The following STX17 variants were observed in gnomAD, a reference collection of about 807,000 sequenced individuals.
STX17 encodes syntaxin-17.
In STX17, 29 loss-of-function variants were observed where a neutral mutation model predicts 35.9. The ratio of observed to expected loss-of-function variants is 0.81; its 90% CI spans 0.60 to 1.10. The LOEUF (loss-of-function observed/expected upper bound fraction) is 1.10, where lower values mean the gene tolerates loss of function less well. Among genes scored for constraint, STX17 ranks in the 50% least tolerant of loss-of-function variants. The probability of loss-of-function intolerance (pLI) is 0.00; values close to 1 mark genes in which losing one functional copy is unlikely to be tolerated. For missense variants in STX17, 312 were observed against 352.3 expected, an observed-to-expected ratio of 0.89 and a Z score of 0.92; for synonymous variants, 92 against 118.3, an observed-to-expected ratio of 0.78 and a Z score of 1.44.
At chr9:99,942,001 G>T (rs1200391249) in intron 3 of STX17, among the ~76,000 whole-genome samples, 1 of 152,132 alleles carries the variant, frequency 6.6e-6, no homozygotes, top group Non-Finnish European at 1.5e-5. Flanking sequence ...AGGAATTGTT[G>T]GTTCCTTCAG....
intron 4 of STX17, 115 bp downstream of exon 4, chr9:99,951,400 A>G: frequency 1.1e-6 from 1 of 870,340 alleles, no homozygotes. Flanking sequence ...TCACTATCCC[A>G]ATATGCTGAA....
intron 6 of STX17, among the ~76,000 whole-genome samples, chr9:99,960,907 A>G (rs1829815521): frequency 6.6e-6 from 1 of 152,248 alleles, no homozygotes; most frequent in Non-Finnish European, 1.5e-5. Context: ...GGTAGAAAGA[A>G]GCATTAAGGA....
chr9:99,967,519 T>G, intron 6 of STX17, 134 bp from the exon 7 acceptor site: 1 of 507,032 alleles, frequency 2.0e-6, no homozygotes, highest in Non-Finnish European at 3.5e-6. Context: ...GCTTATCAGA[T>G]GCTATTAATG....
At chr9:99,934,467 C>G (rs1192291372) in intron 3 of STX17, among the ~76,000 whole-genome samples, 6 of 152,038 alleles carry the variant, frequency 3.9e-5, no homozygotes, top group Non-Finnish European at 7.4e-5. Flanking sequence ...TATATTCTTT[C>G]TGGTGACTTT....
At chr9:99,927,092 C>G (rs1829000261) in intron 2 of STX17, among the ~76,000 whole-genome samples, 5 of 152,208 alleles carry the variant, frequency 3.3e-5, no homozygotes, top group Admixed American at 3.3e-4. Context: ...AGTTCTCTCT[C>G]AGTGTATTCC....
In STX17 at chr9:99,928,841, C is replaced by T; in HGVS notation, c.187C>T (p.Gln63Ter). Reference protein sequence around the residue: ...EEHINAGRTVQQLRSNIREIE... With the variant: ...EEHINAGRTV ...GCATATCAATGCAGGACGTACAGTT[C>T]AGGTAAGGCTATTATATTTTTTCTG... The change falls in exon 3 of 8, where the codon CAG (glutamine) becomes TAG (stop). Residue 63 changes from glutamine to a stop codon, truncating the protein, a stop_gained and splice_region_variant. Coordinates refer to ENST00000259400, the MANE Select transcript of STX17 (RefSeq NM_017919.3). LOFTEE classifies it high-confidence loss of function. The T allele has an allele frequency of 6.2e-7, 1 of 1,612,610 alleles. No individual in the cohort carries two copies. The highest frequency in any genetic ancestry group is 1.7e-5 in the Admixed American group (1 of 59,956).
chr9:99,947,652 C>T (rs1056235137), intron 3 of STX17, among the ~76,000 whole-genome samples: 7 of 152,174 alleles, frequency 4.6e-5, no homozygotes, highest in Non-Finnish European at 7.3e-5. Flanking sequence ...CTGTGAGCTA[C>T]TCGAGACTGG....
Position 99,916,336 on chromosome 9 carries a change from A to AT in STX17, c.123+980dup, listed in dbSNP as rs1260021552. Among the ~76,000 whole-genome samples, 8 of 152,114 alleles carry AT rather than the reference A, an allele frequency of 5.3e-5. No individual in the cohort carries two copies. In the South Asian group the frequency reaches 8.3e-4, roughly 16 times the overall value. On this transcript the variant is annotated intron_variant, in intron 2 of 7. Coordinates refer to ENST00000259400, the MANE Select transcript of STX17 (RefSeq NM_017919.3). ...ATTTGCTGTGGGACAGGCCAGTGAT[A>AT]TTTTTTGTTTCAAAAAGACTTTTCC...
intron 2 of STX17, among the ~76,000 whole-genome samples, chr9:99,917,999 C>T (rs926520458): frequency 6.6e-6 from 1 of 152,208 alleles, no homozygotes; most frequent in Non-Finnish European, 1.5e-5. Context: ...CTCCCATCCT[C>T]AACTTGGTTC....
At chr9:99,965,828 A>G (rs529771122) in intron 6 of STX17, among the ~76,000 whole-genome samples, 2 of 152,308 alleles carry the variant, frequency 1.3e-5, no homozygotes, top group East Asian at 3.9e-4. Flanking sequence ...GGAAATTAGG[A>G]TAAATTTTTC....
chr9:99,971,985 C>T lies in STX17; in HGVS notation c.*3312C>T, dbSNP rs769698539. On this transcript the variant is annotated 3_prime_UTR_variant, in exon 8 of 8. Coordinates refer to ENST00000259400, the MANE Select transcript of STX17 (RefSeq NM_017919.3). ...TTGGTGACAGAACAAGACCCTCTCT[C>T]AAAAAAATATTTAAAAAAAGGTGGG... Among the ~76,000 whole-genome samples the T allele has an allele frequency of 8.5e-5, 13 of 152,060 alleles. No individual in the cohort carries two copies. Among genetic ancestry groups the T allele is most frequent in the Non-Finnish European group, 1.6e-4 (11 of 68,006 alleles).
At chr9:99,952,811 A>G (rs561458095) in intron 4 of STX17, among the ~76,000 whole-genome samples, 2 of 147,634 alleles carry the variant, frequency 1.4e-5, no homozygotes, top group African/African-American at 2.5e-5. Flanking sequence ...GTTCTCACTC[A>G]TAGGTGGGAA....
chr9:99,973,457 A>G lies in STX17; in HGVS notation c.*4784A>G, dbSNP rs560100412. On this transcript the variant is annotated 3_prime_UTR_variant, in exon 8 of 8. Coordinates refer to ENST00000259400, the MANE Select transcript of STX17 (RefSeq NM_017919.3). ...ATTGGACGGGGAATCCTGAGATCAG[A>G]GTCCTAGTTTGGCTTTGTCTCTTGT... is the stretch of plus-strand genomic sequence containing the variant. Among the ~76,000 whole-genome samples, 51 of 152,300 alleles carry G rather than the reference A, an allele frequency of 3.3e-4. No homozygotes were observed. The highest frequency in any genetic ancestry group is 1.1e-3 in the African/African-American group (47 of 41,564).
Position 99,968,945 on chromosome 9 carries a change from T to A in STX17, c.*272T>A. 1 of 299,080 alleles carries A rather than the reference T, an allele frequency of 3.3e-6. No individual in the cohort carries two copies. Among genetic ancestry groups the A allele is most frequent in the Non-Finnish European group, 6.1e-6 (1 of 163,414 alleles). 18.5% of individuals were successfully genotyped at this position (299,080 alleles called of 1,614,324 possible). On this transcript the variant is annotated 3_prime_UTR_variant, in exon 8 of 8. Coordinates refer to ENST00000259400, the MANE Select transcript of STX17 (RefSeq NM_017919.3). ...GGAGCAGATTTTCTCCCTGGAAATG[T>A]GAAAACTGAACCTATAACTCTGATA... is the stretch of plus-strand genomic sequence containing the variant.
In STX17 at chr9:99,928,857, A is replaced by G; in HGVS notation, c.189+14A>G. On this transcript the variant is annotated intron_variant, in intron 3 of 7. Transcript: ENST00000259400. The stretch of plus-strand genomic sequence containing the variant: ...CGTACAGTTCAGGTAAGGCTATTAT[A>G]TTTTTTCTGCTAAATCAGTATGAAA... 1.9e-6 allele frequency: 3 copies of G among 1,611,276 alleles called. No individual in the cohort carries two copies. Among genetic ancestry groups the G allele is most frequent in the Non-Finnish European group, 2.5e-6 (3 of 1,178,216 alleles).
chr9:99,938,472 A>G (rs1829282844), intron 3 of STX17, among the ~76,000 whole-genome samples: 2 of 152,228 alleles, frequency 1.3e-5, no homozygotes. Flanking sequence ...ACTGAAGAAC[A>G]TTAACTTGGC....
intron 2 of STX17, among the ~76,000 whole-genome samples, chr9:99,919,397 C>T (rs1229938633): frequency 6.6e-6 from 1 of 152,164 alleles, no homozygotes; most frequent in Non-Finnish European, 1.5e-5. Flanking sequence ...ACATGAACAA[C>T]CATGCTTGGC....
At chr9:99,961,958 G>T (rs1327214651) in intron 6 of STX17, among the ~76,000 whole-genome samples, 3 of 151,920 alleles carry the variant, frequency 2.0e-5, no homozygotes, top group African/African-American at 7.3e-5. Context: ...CTTCTTTTTG[G>T]CATTTTTGGC....
chr9:99,912,865 A>G (rs1027059057), intron 1 of STX17, among the ~76,000 whole-genome samples: 1 of 152,092 alleles, frequency 6.6e-6, no homozygotes, highest in African/African-American at 2.4e-5. Flanking sequence ...GCTCCTTGCT[A>G]TTCCACTCCT....
Sources: allele counts gnomAD v4.1 joint callset (sites outside exome capture counted in the v4.1 genomes callset), GRCh38; gene constraint gnomAD v4.1.1; transcripts MANE v1.5; gene names NCBI Gene and HGNC (gene_info 2026-07-23, HGNC 2026-07-21).